The following C10orf90 variants were observed in gnomAD, a reference collection of about 807,000 sequenced individuals.
The protein encoded by C10orf90 is chromosome 10 open reading frame 90.
A neutral mutation model predicts 62.5 loss-of-function variants in C10orf90; 56 were observed. The observed-to-expected ratio is 0.90, with a 90% CI of 0.72 to 1.12. The LOEUF (loss-of-function observed/expected upper bound fraction) is 1.12, where lower values mean the gene tolerates loss of function less well. Among genes scored for constraint, C10orf90 ranks in the 50% most tolerant of loss-of-function variants. The probability of loss-of-function intolerance (pLI) is 0.00; values close to 1 mark genes in which losing one functional copy is unlikely to be tolerated. For missense variants in C10orf90, 970 were observed against 880.4 expected (o/e 1.10, Z -1.29); for synonymous variants, 386 against 340.4 (o/e 1.13, Z -1.47).
At position 126,480,152 on chromosome 10, in the gene C10orf90, T is replaced by G. The variant is rs538391509; in HGVS notation, c.1535-15166A>C. ...GACTTTTATTATTCACTTGTGATTA[T>G]GTATGGCCAAGATAAAAAGGTGCCT... On this transcript the variant is annotated intron_variant, in intron 4 of 9. Coordinates refer to ENST00000488181, the MANE Select transcript of C10orf90 (RefSeq NM_001350921.2). 8.7e-4 allele frequency among the ~76,000 whole-genome samples: 133 copies of G among 152,356 alleles called. 1 individual carries two copies. The highest frequency in any genetic ancestry group is 2.4e-4 in the Non-Finnish European group (16 of 68,036).
At position 126,459,521 on chromosome 10, in the gene C10orf90, C is replaced by A. The variant is rs554299047; in HGVS notation, c.2011-304G>T. ...AACGTCTGCCCATTCATCTTTCTAC[C>A]CTGCTGAGTCATTTGTTCCCAAAAG... On this transcript the variant is annotated intron_variant, in intron 6 of 9. Coordinates refer to ENST00000488181, the MANE Select transcript of C10orf90 (RefSeq NM_001350921.2). Among the ~76,000 whole-genome samples, 8 of 152,324 alleles carry A rather than the reference C, an allele frequency of 5.3e-5. 1 individual carries two copies. In the South Asian group the frequency reaches 1.4e-3, roughly 28 times the overall value.
chr10:126,526,296 G>C (rs991457801), intron 2 of C10orf90, among the ~76,000 whole-genome samples: 1 of 150,042 alleles, frequency 6.7e-6, no homozygotes, highest in African/African-American at 2.5e-5. Context: ...TCAGGCTGGA[G>C]TGCAGTGGTG....
chr10:126,627,404 T>G (rs928222416), intron 2 of C10orf90, among the ~76,000 whole-genome samples: 4 of 152,106 alleles, frequency 2.6e-5, no homozygotes, highest in Non-Finnish European at 4.4e-5. Flanking sequence ...CTGTGGTCCA[T>G]GCGGGTGTAA....
intron 2 of C10orf90, among the ~76,000 whole-genome samples, chr10:126,639,909 A>G (rs912792918): frequency 3.9e-5 from 6 of 152,136 alleles, no homozygotes; most frequent in African/African-American, 1.4e-4. Context: ...TTGCAGCAAA[A>G]TTGGGGGTCA....
At chr10:126,581,082 G>A (rs917898276) in intron 2 of C10orf90, among the ~76,000 whole-genome samples, 5 of 152,178 alleles carry the variant, frequency 3.3e-5, no homozygotes, top group Non-Finnish European at 2.9e-5. Context: ...TAGACTAGCC[G>A]CCGTGCAGAG....
At chr10:126,463,619 G>A (rs998884552) in intron 5 of C10orf90, among the ~76,000 whole-genome samples, 7 of 152,148 alleles carry the variant, frequency 4.6e-5, no homozygotes, top group African/African-American at 7.2e-5. Context: ...AGCCACTTGC[G>A]TCATGTGTGC....
rs140947919 is a variant in C10orf90 at position 126,556,498 on chromosome 10, A to C, written c.314-42559T>G. On this transcript the variant is annotated intron_variant, in intron 2 of 9. Transcript: ENST00000488181. ...TTCCTTCATTGCTTATTTTGATATA[A>C]TTTCAATAAATGTACGGTATATAAA... is the stretch of plus-strand genomic sequence containing the variant. Among the ~76,000 whole-genome samples the C allele has an allele frequency of 4.0e-3, 607 of 152,240 alleles. 14 individuals carry two copies. Among genetic ancestry groups the C allele is most frequent in the East Asian group, 5.6e-3 (29 of 5,176 alleles).
rs547930446 is a variant in C10orf90, at chr10:126,579,708, C to T, written c.314-65769G>A. Among the ~76,000 whole-genome samples, 38 of 151,856 alleles carry T rather than the reference C, an allele frequency of 2.5e-4. 1 individual carries two copies. In the South Asian group the frequency reaches 7.7e-3, roughly 31 times the overall value. On this transcript the variant is annotated intron_variant, in intron 2 of 9. Coordinates refer to ENST00000488181, the MANE Select transcript of C10orf90 (RefSeq NM_001350921.2). The stretch of plus-strand genomic sequence containing the variant: ...GTGATCTCTTACTGAAATCTACCAT[C>T]ACTTTCTTGAATTTTATTGCAAAAT...
chr10:126,666,837 G>C (rs181165180), intron 1 of C10orf90, among the ~76,000 whole-genome samples: 1 of 151,566 alleles, frequency 6.6e-6, no homozygotes, highest in Non-Finnish European at 1.5e-5. Context: ...AAAATTAGCC[G>C]GGCATGGTGG....
intron 7 of C10orf90, 100 bp from the exon 8 acceptor site, chr10:126,429,950 A>T: frequency 9.7e-7 from 1 of 1,032,994 alleles, no homozygotes; most frequent in Non-Finnish European, 1.5e-6. Context: ...ATTGATCCTT[A>T]TTCTAAGCCA....
At position 126,442,183 on chromosome 10, in the gene C10orf90, C is replaced by T. The variant is rs534816748; in HGVS notation, c.2189-12333G>A. On this transcript the variant is annotated intron_variant, in intron 7 of 9. Transcript: ENST00000488181. Reference sequence around the variant, plus strand: ...AACTCACCTAAGACATAAGGACTCACATAAACTTAAACTAAAGAGGTAGAA... The same window carrying T: ...AACTCACCTAAGACATAAGGACTCATATAAACTTAAACTAAAGAGGTAGAA... Among the ~76,000 whole-genome samples, 17 of 151,896 alleles carry T rather than the reference C, an allele frequency of 1.1e-4. No homozygotes were observed. The South Asian group carries it at 3.5e-3, about 32-fold the overall frequency.
At chr10:126,462,553 C>G (rs1262952256) in intron 5 of C10orf90, among the ~76,000 whole-genome samples, 2 of 152,140 alleles carry the variant, frequency 1.3e-5, no homozygotes, top group African/African-American at 4.8e-5. Flanking sequence ...CATCCATCAC[C>G]AGGTGGGGTT....
Position 126,425,739 on chromosome 10 carries a change from G to GAA in C10orf90, c.*123_*124dup. The GAA allele has an allele frequency of 7.5e-6, 7 of 937,308 alleles. No individual in the cohort carries two copies. The highest frequency in any genetic ancestry group is 9.1e-6 in the Non-Finnish European group (6 of 656,946). The allele number at this position is 937,308 out of a possible 1,614,324, so 58.1% of individuals were successfully genotyped here. On this transcript the variant is annotated 3_prime_UTR_variant, in exon 10 of 10. Coordinates refer to ENST00000488181, the MANE Select transcript of C10orf90 (RefSeq NM_001350921.2). ...TCAGGAAGTGATGTTTTCCTTTATG[G>GAA]AAAAAAAAAATCGAAAGTAAAATAA...
intron 4 of C10orf90, chr10:126,502,652 C>T (rs1055158502): frequency 5.7e-6 from 2 of 348,600 alleles, no homozygotes; most frequent in African/African-American, 4.4e-5. Flanking sequence ...CACCATGACA[C>T]ATGGTTTAAA....
chr10:126,468,780 G>A (rs1029609794), intron 4 of C10orf90, among the ~76,000 whole-genome samples: 30 of 152,198 alleles, frequency 2.0e-4, no homozygotes, highest in African/African-American at 5.6e-4. Flanking sequence ...AAGAACAGCC[G>A]AGAAGAGGCA....
chr10:126,478,642 A>T (rs542432669), intron 4 of C10orf90, among the ~76,000 whole-genome samples: 48 of 152,212 alleles, frequency 3.2e-4, no homozygotes, highest in Non-Finnish European at 6.0e-4. Flanking sequence ...GAGTCACTGG[A>T]TGAAGGCCAG....
Position 126,505,769 on chromosome 10 carries a change from A to C in C10orf90, c.406-684T>G, listed in dbSNP as rs563209043. ...CGTGAGTTTGAGACCAGCCTGACCA[A>C]CATGGAGAAACCCCGTCTCCACTAA... is the stretch of plus-strand genomic sequence containing the variant. On this transcript the variant is annotated intron_variant, in intron 3 of 9. Coordinates refer to ENST00000488181, the MANE Select transcript of C10orf90 (RefSeq NM_001350921.2). 2.0e-5 allele frequency among the ~76,000 whole-genome samples: 3 copies of C among 152,300 alleles called. No homozygotes were observed. The South Asian group carries it at 6.2e-4, about 32-fold the overall frequency.
chr10:126,616,096 C>T lies in C10orf90; in HGVS notation c.313+30469G>A, dbSNP rs144178395. On this transcript the variant is annotated intron_variant, in intron 2 of 9. Coordinates refer to ENST00000488181, the MANE Select transcript of C10orf90 (RefSeq NM_001350921.2). ...GGACCATTGACCAGAGATACACAGG[C>T]CCCCCACCACCCAAGACCCCAGCAC... Among the ~76,000 whole-genome samples, 5 of 152,290 alleles carry T rather than the reference C, an allele frequency of 3.3e-5. No homozygotes were observed. The East Asian group carries it at 9.7e-4, about 29-fold the overall frequency.
intron 2 of C10orf90, among the ~76,000 whole-genome samples, chr10:126,526,023 A>C (rs1277829782): frequency 7.2e-6 from 1 of 138,962 alleles, no homozygotes; most frequent in Non-Finnish European, 1.5e-5. Context: ...CACCTGCCAC[A>C]ACACACACAC....
Sources: gnomAD v4.1 joint callset for allele counts (sites outside exome capture counted in the v4.1 genomes callset) on GRCh38, gnomAD v4.1.1 for gene constraint, MANE v1.5 for transcripts, NCBI Gene and HGNC (gene_info 2026-07-23, HGNC 2026-07-21) for gene names.